ENKUR: variants seen among roughly 807,000 people sequenced by gnomAD.
ENKUR encodes enkurin.
ENKUR carries 19 observed loss-of-function variants against 27.6 expected under a neutral mutation model. The observed-to-expected ratio is 0.69, with a 90% CI of 0.48 to 1.01. The LOEUF (loss-of-function observed/expected upper bound fraction) is 1.01, where lower values mean the gene tolerates loss of function less well. Among genes scored for constraint, ENKUR ranks in the 50% least tolerant of loss-of-function variants. The pLI is 0.00. For missense variants in ENKUR, 312 were observed against 310.5 expected, an observed-to-expected ratio of 1.00 and a Z score of -0.04; for synonymous variants, 117 against 96.9, an observed-to-expected ratio of 1.21 and a Z score of -1.22.
At chr10:25,019,042 T>G (rs1332377239), upstream of ENKUR, among the ~76,000 whole-genome samples, 3 of 152,190 alleles carry the variant, frequency 2.0e-5, no homozygotes, top group African/African-American at 2.4e-5. Context: ...ATGAAAAGTT[T>G]GAGAGAATTT....
intron 2 of ENKUR, among the ~76,000 whole-genome samples, chr10:25,044,091 T>A (rs1367436174): frequency 1.3e-5 from 2 of 152,170 alleles, no homozygotes; most frequent in African/African-American, 4.8e-5. Flanking sequence ...ATTATTCTCT[T>A]AACTGTGGGT....
At position 25,016,145 on chromosome 10, in the gene ENKUR, G is replaced by A. The variant is rs567955649; in HGVS notation, c.-209C>T. 1.7e-3 allele frequency: 2,055 copies of A among 1,234,454 alleles called. 3 individuals are homozygous for A. Among genetic ancestry groups the A allele is most frequent in the Non-Finnish European group, 1.9e-3 (1,886 of 986,658 alleles). The allele number at this position is 1,234,454 out of a possible 1,614,324, so 76.5% of individuals were successfully genotyped here. On this transcript the variant is annotated 5_prime_UTR_variant, in exon 1 of 6. Transcript: ENST00000331161. Reference sequence around the variant, plus strand: ...ACCCTATTTCTCTCCGGATTGCTAAGCGTCGTTGACTGTGCGGTTGCCGTG... The same window carrying A: ...ACCCTATTTCTCTCCGGATTGCTAAACGTCGTTGACTGTGCGGTTGCCGTG...
At chr10:25,037,896 A>G (rs1268969645) in intron 2 of ENKUR, among the ~76,000 whole-genome samples, 1 of 152,156 alleles carries the variant, frequency 6.6e-6, no homozygotes, top group African/African-American at 2.4e-5. Context: ...TCTCATCGTT[A>G]TCATTTTCAC....
At chr10:25,045,617 A>T (rs540800182) in intron 2 of ENKUR, among the ~76,000 whole-genome samples, 2 of 152,204 alleles carry the variant, frequency 1.3e-5, no homozygotes, top group Non-Finnish European at 2.9e-5. Context: ...CTGACTTTTA[A>T]ATTTGAAACT....
chr10:25,001,559 C>T (rs1375350828), intron 1 of ENKUR, among the ~76,000 whole-genome samples: 1 of 152,010 alleles, frequency 6.6e-6, no homozygotes, highest in African/African-American at 2.4e-5. Context: ...CTTTTTCAGT[C>T]TATTTTTTCT....
chr10:24,985,549 C>A (rs953556194), intron 4 of ENKUR, among the ~76,000 whole-genome samples: 1 of 152,202 alleles, frequency 6.6e-6, no homozygotes, highest in Admixed American at 6.5e-5. Context: ...AAATGTAACA[C>A]ACATGCTAAT....
At chr10:25,027,889 C>G (rs1294948699) in intron 2 of ENKUR, among the ~76,000 whole-genome samples, 2 of 152,102 alleles carry the variant, frequency 1.3e-5, no homozygotes, top group Non-Finnish European at 2.9e-5. Flanking sequence ...TTTCTGCCTT[C>G]AAGAACTGTA....
At chr10:25,050,766 G>A (rs1851179684) in intron 2 of ENKUR, among the ~76,000 whole-genome samples, 1 of 152,110 alleles carries the variant, frequency 6.6e-6, no homozygotes, top group African/African-American at 2.4e-5. Flanking sequence ...CTTAAAAGGA[G>A]GTAATGCTGT....
chr10:25,039,847 G>A (rs1203651152), intron 2 of ENKUR, among the ~76,000 whole-genome samples: 1 of 151,528 alleles, frequency 6.6e-6, no homozygotes, highest in East Asian at 1.9e-4. Context: ...TGGAGCTGGA[G>A]GATCCAAAAT....
At chr10:24,990,400 T>A in intron 4 of ENKUR, 63 bp downstream of exon 4, 2 of 1,546,508 alleles carry the variant, frequency 1.3e-6, no homozygotes, top group Non-Finnish European at 1.7e-6. Context: ...AAAGTGATGG[T>A]ACACCTTTCT....
chr10:25,055,291 G>A (rs758829397), intron 2 of ENKUR, among the ~76,000 whole-genome samples: 3 of 151,626 alleles, frequency 2.0e-5, no homozygotes, highest in Non-Finnish European at 4.4e-5. Context: ...GTTGAGCAGG[G>A]AGAAGAAATA....
At chr10:25,021,164 T>C (rs1232910735) in intron 2 of ENKUR, among the ~76,000 whole-genome samples, 2 of 152,200 alleles carry the variant, frequency 1.3e-5, no homozygotes, top group African/African-American at 4.8e-5. Flanking sequence ...ATTTATATAT[T>C]CCTAGCCCAC....
chr10:25,019,436 T>A (rs919488199), upstream of ENKUR, among the ~76,000 whole-genome samples: 6 of 152,182 alleles, frequency 3.9e-5, no homozygotes, highest in African/African-American at 1.2e-4. Context: ...ATTGTGCCAC[T>A]GCACTCCTGC....
chr10:25,003,151 G>C (rs568523456), intron 1 of ENKUR, among the ~76,000 whole-genome samples: 147 of 151,646 alleles, frequency 9.7e-4, no homozygotes, highest in African/African-American at 3.4e-3. Flanking sequence ...TTCAATTTCA[G>C]TGTTTCTTTA....
chr10:25,015,529 ATTTT>A (rs936950096), intron 1 of ENKUR, among the ~76,000 whole-genome samples: 2 of 152,156 alleles, frequency 1.3e-5, no homozygotes, highest in African/African-American at 4.8e-5. Flanking sequence ...TAGAATTGTG[ATTTT>A]TTTCTTTTCA....
chr10:25,000,271 T>C (rs545615914), intron 1 of ENKUR, among the ~76,000 whole-genome samples: 1 of 152,298 alleles, frequency 6.6e-6, no homozygotes, highest in South Asian at 2.1e-4. Flanking sequence ...ATGTTCTGTA[T>C]ACACTTGAAA....
chr10:25,024,338 A>G (rs200126681), intron 2 of ENKUR: 2 of 1,614,090 alleles, frequency 1.2e-6, no homozygotes, highest in Non-Finnish European at 8.5e-7. Context: ...AGTTGCAATT[A>G]TATGATACTT....
At chr10:25,038,716 C>T (rs941441271) in intron 2 of ENKUR, among the ~76,000 whole-genome samples, 1 of 152,176 alleles carries the variant, frequency 6.6e-6, no homozygotes, top group Non-Finnish European at 1.5e-5. Flanking sequence ...CCCTACAACC[C>T]TGTTTTAGGT....
At chr10:25,032,709 C>T (rs76970296) in intron 2 of ENKUR, among the ~76,000 whole-genome samples, 1,994 of 152,234 alleles carry the variant, frequency 0.013, 28 homozygotes, top group Non-Finnish European at 0.021. Flanking sequence ...TTTCCCTAGT[C>T]TATTAAAGTA....
Sources: allele counts gnomAD v4.1 joint callset (sites outside exome capture counted in the v4.1 genomes callset), GRCh38; gene constraint gnomAD v4.1.1; transcripts MANE v1.5; gene names NCBI Gene and HGNC (gene_info 2026-07-23, HGNC 2026-07-21).